The following WDR86 variants were observed in gnomAD, a reference collection of about 807,000 sequenced individuals.
WDR86 encodes the protein WD repeat domain 86.
Under a neutral mutation model 36.5 loss-of-function variants are expected in WDR86, and 30 were observed. That is an observed-to-expected ratio of 0.82 (90% CI 0.61 to 1.11). The LOEUF (loss-of-function observed/expected upper bound fraction) is 1.11. Among genes scored for constraint, WDR86 ranks in the 50% most tolerant of loss-of-function variants. WDR86 has a pLI of 0.00. For missense variants in WDR86, 545 were observed against 561.2 expected (o/e 0.97, Z 0.29); for synonymous variants, 255 against 252.9 (o/e 1.01, Z -0.08).
rs75757618 is a variant in WDR86 at position 151,385,029 on chromosome 7, A to G, written c.862+59T>C. 3.6e-3 allele frequency: 5,444 copies of G among 1,510,794 alleles called. 178 individuals carry two copies. The African/African-American group carries it at 0.068, about 19-fold the overall frequency. The allele number at this position is 1,510,794 out of a possible 1,614,324, so 93.6% of individuals were successfully genotyped here. ...AGGGAAAATCCCATAGGAAGTAAAG[A>G]AGCAGAGAGGAGAAGCCAGGCTGGG... is the stretch of plus-strand genomic sequence containing the variant. On this transcript the variant is annotated intron_variant, in intron 4 of 5. Coordinates refer to ENST00000334493, the MANE Select transcript of WDR86 (RefSeq NM_198285.3).
rs944191283 is a variant in WDR86, at chr7:151,401,832, A to T, written c.164-1591T>A. Among the ~76,000 whole-genome samples the T allele has an allele frequency of 9.9e-5, 15 of 151,122 alleles. No individual in the cohort carries two copies. The highest frequency in any genetic ancestry group is 3.2e-4 in the African/African-American group (13 of 40,992). ...TGGGAGGCCGAGGCGGGTGGATCAC[A>T]AGGTCAGGAGTTCAAGATCAGCCTG... On this transcript the variant is annotated intron_variant, in intron 1 of 5. Transcript: ENST00000334493. The surrounding 1 kb of genome is among the most constrained non-coding windows in gnomAD (Gnocchi z 4.3).
rs1289652463 is a variant in WDR86, at chr7:151,402,815, T to A, written c.164-2574A>T. 5.9e-5 allele frequency among the ~76,000 whole-genome samples: 9 copies of A among 152,352 alleles called. No homozygotes were observed. The East Asian group carries it at 1.7e-3, about 29-fold the overall frequency. On this transcript the variant is annotated intron_variant, in intron 1 of 5. Transcript: ENST00000334493. Reference sequence around the variant, plus strand: ...TAGATAGCTTGACTATCACCCTGGCTGCCAGATCAATGTTTATGCCTCAGG... The same window carrying A: ...TAGATAGCTTGACTATCACCCTGGCAGCCAGATCAATGTTTATGCCTCAGG...
At chr7:151,387,326 G>A (rs534100495) in intron 3 of WDR86, among the ~76,000 whole-genome samples, 3 of 152,242 alleles carry the variant, frequency 2.0e-5, no homozygotes, top group Non-Finnish European at 4.4e-5. Flanking sequence ...CCTGGCAGCC[G>A]GCCCTCACCA....
chr7:151,380,407 G>C (rs1157968026), downstream of WDR86, among the ~76,000 whole-genome samples: 1 of 64,458 alleles, frequency 1.6e-5, no homozygotes, highest in Non-Finnish European at 5.3e-5. Context: ...TGAAAGGGCT[G>C]CTCCACTTGA....
chr7:151,403,486 C>T (rs1047443746), intron 1 of WDR86, among the ~76,000 whole-genome samples: 7 of 152,144 alleles, frequency 4.6e-5, no homozygotes, highest in Non-Finnish European at 1.0e-4. Flanking sequence ...AATTCACATC[C>T]ACCCCTTCCC....
chr7:151,395,275 C>A (rs1304982191), intron 3 of WDR86, among the ~76,000 whole-genome samples: 3 of 152,250 alleles, frequency 2.0e-5, no homozygotes, highest in Non-Finnish European at 4.4e-5. Context: ...TGCAGGCAGG[C>A]TCCGCCCCAG....
downstream of WDR86, chr7:151,381,033 A>AG: frequency 1.5e-6 from 1 of 684,380 alleles, no homozygotes; most frequent in Non-Finnish European, 1.9e-6. The surrounding 1 kb of genome is among the most constrained non-coding windows in gnomAD (Gnocchi z 4.8). Context: ...GGCAGAGGGC[A>AG]GGAGGCCCGC....
the WDR86 span, among the ~76,000 whole-genome samples, chr7:151,369,790 A>G: frequency 4.6e-5 from 7 of 152,338 alleles, no homozygotes; most frequent in African/African-American, 1.7e-4. Context: ...AGAAGTCTCT[A>G]GAATCTTCAC....
downstream of WDR86, among the ~76,000 whole-genome samples, chr7:151,372,060 T>C (rs1312996166): frequency 3.3e-5 from 5 of 152,184 alleles, no homozygotes; most frequent in Non-Finnish European, 7.3e-5. Flanking sequence ...TGGCCCTGAG[T>C]ACAGACCAGT....
chr7:151,385,400 C>T (rs1314031736), intron 3 of WDR86, 177 bp from the exon 4 acceptor site: 10 of 1,159,496 alleles, frequency 8.6e-6, no homozygotes, highest in African/African-American at 3.1e-5. Context: ...CAAAAGCAGG[C>T]GGCTGCTCCT....
chr7:151,389,889 G>A (rs1318489073), intron 3 of WDR86, among the ~76,000 whole-genome samples: 6 of 152,178 alleles, frequency 3.9e-5, no homozygotes, highest in Non-Finnish European at 5.9e-5. Context: ...CAATGGTGCC[G>A]CCTGCCTCAC....
chr7:151,381,081 G>C, downstream of WDR86: 1 of 1,130,790 alleles, frequency 8.8e-7, no homozygotes, highest in East Asian at 3.5e-5. This position sits in a 1 kb window ranked among gnomAD's most constrained non-coding sequence, Gnocchi z 4.8. Context: ...CCAAAAAGAA[G>C]CTGAGACTCA....
chr7:151,396,207 G>A lies in WDR86; in HGVS notation c.306-11C>T, dbSNP rs1281953193. 1 of 1,612,720 alleles carries A rather than the reference G, an allele frequency of 6.2e-7. No individual in the cohort carries two copies. The highest frequency in any genetic ancestry group is 1.7e-5 in the Admixed American group (1 of 60,004). On this transcript the variant is annotated splice_polypyrimidine_tract_variant and intron_variant, in intron 2 of 5. Coordinates refer to ENST00000334493, the MANE Select transcript of WDR86 (RefSeq NM_198285.3). ...TTGGCAACCAGGATCCTGGGGGCAA[G>A]AGGGAAGGGGTCAGGGATCAGAAGG...
chr7:151,409,847 C>G lies in WDR86; in HGVS notation c.-258G>C, dbSNP rs11975357. 2 of 1,217,422 alleles carry G rather than the reference C, an allele frequency of 1.6e-6. No homozygotes were observed. The highest frequency in any genetic ancestry group is 2.0e-6 in the Non-Finnish European group (2 of 979,328). 75.4% of individuals were successfully genotyped at this position (1,217,422 alleles called of 1,614,324 possible). A position where few individuals can be genotyped will look rare whatever the true frequency, so the allele number is the denominator to read the frequency against. The stretch of plus-strand genomic sequence containing the variant: ...TCCGCCCTGGGTAGAGTCCTGGGCG[C>G]GCGGGCAGAGAGAACCCCCTTCCCA... On this transcript the variant is annotated 5_prime_UTR_variant, in exon 1 of 6. Transcript: ENST00000334493. The surrounding 1 kb of genome is among the most constrained non-coding windows in gnomAD (Gnocchi z 5.2).
downstream of WDR86, chr7:151,377,189 T>C: frequency 6.4e-7 from 1 of 1,567,334 alleles, no homozygotes; most frequent in Non-Finnish European, 8.6e-7. Flanking sequence ...ACCTATCCTA[T>C]GTAGAAAATA....
At chr7:151,404,656 G>A (rs1391704687) in intron 1 of WDR86, among the ~76,000 whole-genome samples, 1 of 152,186 alleles carries the variant, frequency 6.6e-6, no homozygotes, top group Non-Finnish European at 1.5e-5. Flanking sequence ...TGCAGAATAA[G>A]CAAAAAAGCC....
downstream of WDR86, among the ~76,000 whole-genome samples, chr7:151,380,473 G>A (rs1231488021): frequency 6.6e-6 from 1 of 152,198 alleles, no homozygotes. Context: ...TCTCTGCAGC[G>A]AGATGATGAG....
In WDR86 at chr7:151,401,073, T is replaced by G. The variant is rs1410838734; in HGVS notation, c.164-832A>C. Among the ~76,000 whole-genome samples, 3 of 152,202 alleles carry G rather than the reference T, an allele frequency of 2.0e-5. No homozygotes were observed. Among genetic ancestry groups the G allele is most frequent in the Non-Finnish European group, 2.9e-5 (2 of 68,034 alleles). ...AGAACATGCTTCCCAGCAACCCCCT[T>G]GCCCACCTGCTCATGAATAATCAGG... On this transcript the variant is annotated intron_variant, in intron 1 of 5. Coordinates refer to ENST00000334493, the MANE Select transcript of WDR86 (RefSeq NM_198285.3). This position sits in a 1 kb window ranked among gnomAD's most constrained non-coding sequence, Gnocchi z 4.3.
At chr7:151,407,399 G>A (rs1467244495) in intron 1 of WDR86, among the ~76,000 whole-genome samples, 1 of 152,228 alleles carries the variant, frequency 6.6e-6, no homozygotes, top group African/African-American at 2.4e-5. Flanking sequence ...TGCCCACCAG[G>A]CTACCGGCAG....
Sources: allele counts gnomAD v4.1 joint callset (sites outside exome capture counted in the v4.1 genomes callset), GRCh38; gene constraint gnomAD v4.1.1; non-coding constraint Gnocchi (gnomAD v3.1); transcripts MANE v1.5; gene names NCBI Gene and HGNC (gene_info 2026-07-23, HGNC 2026-07-21).